RABGAP1L: variants seen among roughly 807,000 people sequenced by gnomAD.
RABGAP1L encodes the protein rab GTPase-activating protein 1-like.
A neutral mutation model predicts 137.7 loss-of-function variants in RABGAP1L; 63 were observed. The observed-to-expected ratio is 0.46, with a 90% confidence interval of 0.37 to 0.56. RABGAP1L has a LOEUF of 0.56. RABGAP1L is among the 20% of genes least tolerant of loss of function. The pLI is 0.00. For missense variants in RABGAP1L, 1,095 were observed against 1,244.0 expected (o/e 0.88, Z 1.80); for synonymous variants, 431 against 433.7 (o/e 0.99, Z 0.08).
intron 19 of RABGAP1L, among the ~76,000 whole-genome samples, chr1:174,812,733 G>GA (rs756061635): frequency 4.6e-5 from 7 of 151,938 alleles, no homozygotes; most frequent in South Asian, 4.2e-4. Flanking sequence ...AAATAGCTGT[G>GA]AAAAAAAAGA....
At chr1:174,378,630 A>G (rs1457974924) in intron 12 of RABGAP1L, among the ~76,000 whole-genome samples, 1,729 of 151,510 alleles carry the variant, frequency 0.011, 27 homozygotes, top group African/African-American at 0.037. Flanking sequence ...TTTTGATGGG[A>G]TTGTTTGTTT....
intron 17 of RABGAP1L, among the ~76,000 whole-genome samples, chr1:174,704,565 C>CT (rs1679911590): frequency 6.6e-6 from 1 of 152,190 alleles, no homozygotes; most frequent in South Asian, 2.1e-4. Flanking sequence ...GGTTCAGTGA[C>CT]TTGCCAGGCT....
intron 18 of RABGAP1L, among the ~76,000 whole-genome samples, chr1:174,772,123 G>T (rs747241403): frequency 1.3e-5 from 2 of 152,066 alleles, no homozygotes; most frequent in Non-Finnish European, 2.9e-5. Flanking sequence ...GCTTGAAGCC[G>T]GGAGGCAGAG....
At chr1:174,306,983 A>G (rs543520274) in intron 11 of RABGAP1L, among the ~76,000 whole-genome samples, 2 of 152,340 alleles carry the variant, frequency 1.3e-5, no homozygotes, top group East Asian at 3.9e-4. Flanking sequence ...TGATTGCCAT[A>G]AACATAATAA....
In RABGAP1L at chr1:174,278,683, C is replaced by A. The variant is rs552238108; in HGVS notation, c.1227C>A (p.Leu409=). The A allele has an allele frequency of 1.2e-6, 2 of 1,613,058 alleles. No individual in the cohort carries two copies. The highest frequency in any genetic ancestry group is 1.7e-6 in the Non-Finnish European group (2 of 1,179,614). ...AGGTGGTGGAGCCTGTTCGCTTTCT[C>A]CTGGAGACAGTAGTCCGTGTGTACC... ...VTEVVEPVRF[L]LETVVRVYPA... is the part of the protein sequence containing the mutation. The change falls in exon 10 of 26, where the codon CTC becomes CTA. Residue 409 remains leucine (L), a synonymous_variant. Transcript: ENST00000681986.
chr1:174,608,064 ACT>A (rs912874055), intron 13 of RABGAP1L, among the ~76,000 whole-genome samples: 1 of 151,896 alleles, frequency 6.6e-6, no homozygotes. Flanking sequence ...GATTTTATAA[ACT>A]CTCTTCCTAG....
intron 13 of RABGAP1L, among the ~76,000 whole-genome samples, chr1:174,632,500 T>G (rs1183096077): frequency 6.6e-6 from 1 of 150,518 alleles, no homozygotes; most frequent in Non-Finnish European, 1.5e-5. Flanking sequence ...TCCAACTTGG[T>G]TCCATTCTCT....
intron 13 of RABGAP1L, among the ~76,000 whole-genome samples, chr1:174,616,197 C>A (rs1019520484): frequency 6.6e-6 from 1 of 152,180 alleles, no homozygotes; most frequent in East Asian, 1.9e-4. Context: ...GTAGACAGAG[C>A]TGTTCCTATT....
At chr1:174,363,611 C>T (rs998411289) in intron 11 of RABGAP1L, among the ~76,000 whole-genome samples, 4 of 152,066 alleles carry the variant, frequency 2.6e-5, no homozygotes, top group African/African-American at 9.7e-5. Context: ...CAGTGGGCAT[C>T]CTTGTTTTGT....
chr1:174,719,439 CCAAT>C (rs1456151027), intron 17 of RABGAP1L, among the ~76,000 whole-genome samples: 2 of 152,102 alleles, frequency 1.3e-5, no homozygotes, highest in Non-Finnish European at 2.9e-5. Flanking sequence ...AAGTGTAGAA[CCAAT>C]CAGTCAACAA....
At chr1:174,895,517 T>C (rs1302495603) in intron 19 of RABGAP1L, among the ~76,000 whole-genome samples, 3 of 151,918 alleles carry the variant, frequency 2.0e-5, no homozygotes, top group Non-Finnish European at 4.4e-5. Flanking sequence ...TATGTATACA[T>C]GTGCCATGTT....
chr1:174,551,021 T>TATATATATAC lies in RABGAP1L; in HGVS notation c.1711-86353_1711-86352insTATATATACA, dbSNP rs1553330343. Among the ~76,000 whole-genome samples, 37 of 122,788 alleles carry TATATATATAC rather than the reference T, an allele frequency of 3.0e-4. 1 individual carries two copies. The highest frequency in any genetic ancestry group is 7.6e-4 in the African/African-American group (20 of 26,204). 80.6% of individuals were successfully genotyped at this position (122,788 alleles called of 152,430 possible). The stretch of plus-strand genomic sequence containing the variant: ...ACACATATATATATATATATATATA[T>TATATATATAC]ACATACACACACACACATATATATA... On this transcript the variant is annotated intron_variant, in intron 13 of 25. Transcript: ENST00000681986.
intron 13 of RABGAP1L, among the ~76,000 whole-genome samples, chr1:174,460,271 T>C (rs547208243): frequency 6.6e-6 from 1 of 152,182 alleles, no homozygotes; most frequent in East Asian, 1.9e-4. Context: ...TTTTTATTTT[T>C]AATTGTCAAA....
At chr1:174,602,421 T>G (rs1670483050) in intron 13 of RABGAP1L, among the ~76,000 whole-genome samples, 1 of 152,154 alleles carries the variant, frequency 6.6e-6, no homozygotes, top group Non-Finnish European at 1.5e-5. Context: ...TGAGACTTAT[T>G]CACTCTGCAA....
intron 14 of RABGAP1L, among the ~76,000 whole-genome samples, chr1:174,641,116 C>T (rs1287659243): frequency 6.6e-6 from 1 of 151,592 alleles, no homozygotes; most frequent in East Asian, 1.9e-4. Context: ...ATATAATATG[C>T]TGTGCTCTTA....
intron 17 of RABGAP1L, among the ~76,000 whole-genome samples, chr1:174,710,664 C>G (rs1680408885): frequency 6.6e-6 from 1 of 152,162 alleles, no homozygotes; most frequent in South Asian, 2.1e-4. Flanking sequence ...CTTACAAGAG[C>G]TCTTGAAGGA....
In RABGAP1L at chr1:174,618,241, G is replaced by T. The variant is rs191589765; in HGVS notation, c.1711-19134G>T. Among the ~76,000 whole-genome samples, 642 of 152,334 alleles carry T rather than the reference G, an allele frequency of 4.2e-3. 4 individuals are homozygous for T. Among genetic ancestry groups the T allele is most frequent in the South Asian group, 0.011 (55 of 4,830 alleles). On this transcript the variant is annotated intron_variant, in intron 13 of 25. Transcript: ENST00000681986. ...GCACAGCATAGCCAAACAAAAGGCA[G>T]CAGATTCCTCAGCAGACTTAAATGT...
intron 19 of RABGAP1L, among the ~76,000 whole-genome samples, chr1:174,956,550 C>G (rs116241056): frequency 0.016 from 2,485 of 152,102 alleles, 22 homozygotes; most frequent in Non-Finnish European, 0.025. Context: ...TTATCTCATA[C>G]AGCATAATGA....
At position 174,619,071 on chromosome 1, in the gene RABGAP1L, G is replaced by A. The variant is rs919955703; in HGVS notation, c.1711-18304G>A. On this transcript the variant is annotated intron_variant, in intron 13 of 25. Coordinates refer to ENST00000681986, the MANE Select transcript of RABGAP1L (RefSeq NM_001366446.1). ...GAAAATCAAATGAATGAAATGAAGC[G>A]AGAAGAGAAGTTTAGAGAAAAAAGA... 4.6e-5 allele frequency among the ~76,000 whole-genome samples: 7 copies of A among 152,234 alleles called. No homozygotes were observed. In the South Asian group the frequency reaches 6.2e-4, roughly 14 times the overall value.
Sources: allele counts gnomAD v4.1 joint callset (sites outside exome capture counted in the v4.1 genomes callset), GRCh38; gene constraint gnomAD v4.1.1; transcripts MANE v1.5; gene names NCBI Gene and HGNC (gene_info 2026-07-23, HGNC 2026-07-21).